Variants in DNAH7 observed in about 807,000 individuals in gnomAD.
The protein encoded by DNAH7 is dynein axonemal heavy chain 7.
DNAH7 carries 397 observed loss-of-function variants against 444.6 expected under a neutral mutation model. That is an observed-to-expected ratio of 0.89 (90% CI 0.82 to 0.97). The LOEUF is 0.97. DNAH7 is among the 50% of genes least tolerant of loss of function. The pLI is 0.00. For missense variants in DNAH7, 4,902 were observed against 4,800.8 expected, an observed-to-expected ratio of 1.02 and a Z score of -0.62; for synonymous variants, 1,636 against 1,624.4, an observed-to-expected ratio of 1.01 and a Z score of -0.17.
chr2:196,013,371 G>GT lies in DNAH7; in HGVS notation c.870-466dup, dbSNP rs891740746. On this transcript the variant is annotated intron_variant, in intron 9 of 64. Transcript: ENST00000312428. ...TATCAAACTCTTTTGAGCCTGTCTG[G>GT]TTTTTTTTAAAGAACACAGGGATTA... is the stretch of plus-strand genomic sequence containing the variant. 1.7e-3 allele frequency among the ~76,000 whole-genome samples: 259 copies of GT among 151,976 alleles called. 1 individual carries two copies. Among genetic ancestry groups the GT allele is most frequent in the African/African-American group, 5.6e-3 (233 of 41,478 alleles).
chr2:196,005,950 A>G (rs1015654575), intron 10 of DNAH7, among the ~76,000 whole-genome samples: 1 of 152,084 alleles, frequency 6.6e-6, no homozygotes, highest in Non-Finnish European at 1.5e-5. Context: ...CTACAGACCA[A>G]TATCTCATAT....
chr2:195,981,825 A>G (rs532005090), intron 15 of DNAH7, among the ~76,000 whole-genome samples: 1 of 152,354 alleles, frequency 6.6e-6, no homozygotes. Context: ...AAAATGGATT[A>G]AAGACTTAAA....
At chr2:195,953,176 C>G (rs1690387788) in intron 19 of DNAH7, among the ~76,000 whole-genome samples, 2 of 152,130 alleles carry the variant, frequency 1.3e-5, no homozygotes, top group African/African-American at 4.8e-5. Context: ...GGTTTTCCTT[C>G]TAATACTCAG....
chr2:196,000,042 A>C (rs763682817), intron 12 of DNAH7, among the ~76,000 whole-genome samples: 22 of 152,196 alleles, frequency 1.4e-4, no homozygotes, highest in African/African-American at 7.2e-5. Context: ...TCTATCCCTC[A>C]AGATGGGCTG....
intron 36 of DNAH7, among the ~76,000 whole-genome samples, chr2:195,879,531 A>C (rs1255810663): frequency 1.3e-5 from 2 of 152,164 alleles, no homozygotes; most frequent in Non-Finnish European, 2.9e-5. Context: ...TGTTTTCATA[A>C]GCTATCGTCA....
chr2:195,781,976 TACACACACACACACACACAC>T (rs59244207), intron 58 of DNAH7, among the ~76,000 whole-genome samples: 2 of 129,832 alleles, frequency 1.5e-5, no homozygotes, highest in South Asian at 5.3e-4. Context: ...GTGGGTCTTA[TACACACACACACACACACAC>T]ACACACACAC....
At chr2:196,003,681 G>C (rs1694189014) in intron 10 of DNAH7, among the ~76,000 whole-genome samples, 2 of 152,178 alleles carry the variant, frequency 1.3e-5, no homozygotes, top group South Asian at 4.1e-4. Flanking sequence ...GGACAGAAGA[G>C]AGTCTTCTCC....
At chr2:195,845,932 C>T (rs961484181) in intron 46 of DNAH7, among the ~76,000 whole-genome samples, 5 of 152,172 alleles carry the variant, frequency 3.3e-5, no homozygotes, top group African/African-American at 1.2e-4. Flanking sequence ...AAATACCATT[C>T]TAGACATAGG....
chr2:195,797,371 C>T (rs1446980451), intron 55 of DNAH7, among the ~76,000 whole-genome samples: 1 of 152,118 alleles, frequency 6.6e-6, no homozygotes, highest in Non-Finnish European at 1.5e-5. Flanking sequence ...TCAGCCCCTC[C>T]CGAATGCCCA....
chr2:195,983,420 A>C (rs1376114000), intron 15 of DNAH7, among the ~76,000 whole-genome samples: 1 of 152,104 alleles, frequency 6.6e-6, no homozygotes, highest in Non-Finnish European at 1.5e-5. Flanking sequence ...GGAAGCTTTT[A>C]CTCATGGCAG....
At chr2:195,910,226 G>GTGATT (rs1559213566) in intron 24 of DNAH7, 31 bp from the exon 25 acceptor site, 1 of 1,481,808 alleles carries the variant, frequency 6.7e-7, no homozygotes, top group Non-Finnish European at 9.0e-7. Context: ...ATTCTTTGTA[G>GTGATT]AATAATGTGA....
chr2:196,012,960 T>C, intron 9 of DNAH7, 54 bp from the exon 10 acceptor site: 1 of 1,272,658 alleles, frequency 7.9e-7, no homozygotes, highest in Non-Finnish European at 1.0e-6. Context: ...TGGTATTTAA[T>C]ATTTTATTAA....
intron 54 of DNAH7, among the ~76,000 whole-genome samples, chr2:195,805,931 C>G (rs1301826634): frequency 1.3e-5 from 2 of 152,118 alleles, no homozygotes; most frequent in African/African-American, 4.8e-5. Context: ...ATTACTTTGA[C>G]AATCTAAATT....
chr2:195,798,597 G>A (rs1264667951), intron 55 of DNAH7, among the ~76,000 whole-genome samples: 4 of 140,236 alleles, frequency 2.9e-5, no homozygotes, highest in Non-Finnish European at 6.0e-5. Flanking sequence ...AGGCTGGAGT[G>A]CTATGGCGTG....
intron 49 of DNAH7, 55 bp downstream of exon 49, chr2:195,824,200 T>C (rs1219435532): frequency 6.7e-7 from 1 of 1,496,184 alleles, no homozygotes; most frequent in Non-Finnish European, 9.1e-7. Context: ...TCAGGAGGAA[T>C]ATATAGTCAC....
At chr2:195,858,388 A>G in intron 43 of DNAH7, 86 bp downstream of exon 43, 2 of 1,103,110 alleles carry the variant, frequency 1.8e-6, no homozygotes, top group Non-Finnish European at 2.4e-6. Context: ...TAATTCGGAG[A>G]GACAAACTAG....
At chr2:195,788,839 AC>A (rs1199307887) in intron 57 of DNAH7, among the ~76,000 whole-genome samples, 2 of 152,246 alleles carry the variant, frequency 1.3e-5, no homozygotes, top group Non-Finnish European at 2.9e-5. Context: ...ATTTATGTGC[AC>A]ATGAACTTGT....
chr2:195,993,499 CAT>C (rs964539017), intron 12 of DNAH7, among the ~76,000 whole-genome samples: 19 of 152,106 alleles, frequency 1.2e-4, no homozygotes, highest in African/African-American at 3.9e-4. Context: ...AAGTCACAAA[CAT>C]GTGGGGGATA....
At chr2:196,022,126 C>CG (rs1367940089) in intron 8 of DNAH7, among the ~76,000 whole-genome samples, 2 of 151,324 alleles carry the variant, frequency 1.3e-5, no homozygotes, top group African/African-American at 2.4e-5. Context: ...GACCCTGTCT[C>CG]GGGAAAAAAA....
Sources: allele counts gnomAD v4.1 joint callset (sites outside exome capture counted in the v4.1 genomes callset), GRCh38; gene constraint gnomAD v4.1.1; transcripts MANE v1.5; gene names NCBI Gene and HGNC (gene_info 2026-07-23, HGNC 2026-07-21).